The following NCOA2 variants were observed in gnomAD, a reference collection of about 807,000 sequenced individuals.
The protein encoded by NCOA2 is class E basic helix-loop-helix protein 75.
A neutral mutation model predicts 145.1 loss-of-function variants in NCOA2; 21 were observed. The observed-to-expected ratio is 0.14, with a 90% confidence interval of 0.10 to 0.21. The LOEUF (loss-of-function observed/expected upper bound fraction) is 0.21. Ranked by LOEUF, NCOA2 falls within the 10% of genes least tolerant of loss-of-function variation. The pLI is 1.00. For synonymous variants in NCOA2, 619 were observed against 637.5 expected (o/e 0.97, Z 0.44); for missense variants, 1,472 against 1,837.6 (o/e 0.80, Z 3.64).
intron 4 of NCOA2, among the ~76,000 whole-genome samples, chr8:70,181,914 G>T (rs1342471098): frequency 6.6e-6 from 1 of 152,210 alleles, no homozygotes; most frequent in Non-Finnish European, 1.5e-5. Context: ...GGCAGTTTCT[G>T]ACCAAGCACT....
At position 70,110,026 on chromosome 8, in the gene NCOA2, A is replaced by G. The variant is rs1048166300; in HGVS notation, c.*3606T>C. The G allele has an allele frequency of 8.7e-5, 17 of 194,546 alleles. 1 individual carries two copies. Among genetic ancestry groups the G allele is most frequent in the African/African-American group, 3.7e-4 (16 of 43,256 alleles). 12.1% of individuals were successfully genotyped at this position (194,546 alleles called of 1,614,324 possible). ...GTCAACTCCATTTTGAAAATAAATC[A>G]CAACCTGAAACACTGTAAGCTTTCT... On this transcript the variant is annotated 3_prime_UTR_variant, in exon 23 of 23. Coordinates refer to ENST00000452400, the MANE Select transcript of NCOA2 (RefSeq NM_006540.4).
intron 2 of NCOA2, among the ~76,000 whole-genome samples, chr8:70,265,587 T>A (rs985811010): frequency 6.6e-6 from 1 of 152,194 alleles, no homozygotes; most frequent in Admixed American, 6.5e-5. Context: ...TATATATAAT[T>A]CTATTTTTTA....
At chr8:70,439,118 A>G in the NCOA2 span, among the ~76,000 whole-genome samples, 3 of 152,224 alleles carry the variant, frequency 2.0e-5, no homozygotes, top group African/African-American at 7.2e-5. Flanking sequence ...GACTAATTCA[A>G]TATAAAATAC....
chr8:70,304,589 C>T (rs1299945379), intron 1 of NCOA2, among the ~76,000 whole-genome samples: 1 of 152,092 alleles, frequency 6.6e-6, no homozygotes, highest in Non-Finnish European at 1.5e-5. Context: ...CTTCAGCCTC[C>T]TGAGTGGCTA....
chr8:70,170,341 G>A lies in NCOA2; in HGVS notation c.402C>T (p.Gly134=). The change falls in exon 6 of 23, where the codon GGC becomes GGT. Residue 134 remains glycine, a synonymous_variant. Transcript: ENST00000452400. ...CATTCTCTGACACAAACACAACGTT[G>A]CCTTCCAGGTTCACTACAAAGAAGA... ...DGFFFVVNLE[G]NVVFVSENVT... is the part of the protein sequence containing the mutation. 3 of 1,602,444 alleles carry A rather than the reference G, an allele frequency of 1.9e-6. No homozygotes were observed. Among genetic ancestry groups the A allele is most frequent in the Non-Finnish European group, 2.6e-6 (3 of 1,174,176 alleles).
chr8:70,352,323 T>C (rs902169232), intron 1 of NCOA2, among the ~76,000 whole-genome samples: 3 of 152,168 alleles, frequency 2.0e-5, no homozygotes, highest in African/African-American at 4.8e-5. Context: ...CAGAAGTTTA[T>C]ATGGGTCAAG....
chr8:70,291,548 T>C (rs1038252383), intron 2 of NCOA2, among the ~76,000 whole-genome samples: 1 of 152,162 alleles, frequency 6.6e-6, no homozygotes, highest in Admixed American at 6.5e-5. Flanking sequence ...TCTAAATACA[T>C]GATTTCCAAC....
At chr8:70,378,756 A>AAC (rs1339471698) in intron 1 of NCOA2, among the ~76,000 whole-genome samples, 1 of 151,906 alleles carries the variant, frequency 6.6e-6, no homozygotes, top group East Asian at 1.9e-4. Flanking sequence ...AAAAAAAAAA[A>AAC]AAAAAAACAT....
At chr8:70,184,780 T>G (rs1815867424) in intron 4 of NCOA2, among the ~76,000 whole-genome samples, 1 of 152,168 alleles carries the variant, frequency 6.6e-6, no homozygotes, top group African/African-American at 2.4e-5. Context: ...CCAACCCTCA[T>G]TTCTATGAAG....
Position 70,357,325 on chromosome 8 carries a change from T to C in NCOA2, c.-77+46375A>G, listed in dbSNP as rs1257289970. 3.3e-5 allele frequency: 5 copies of C among 152,244 alleles called. No individual in the cohort carries two copies. The East Asian group carries it at 9.6e-4, about 29-fold the overall frequency. The allele number at this position is 152,244 out of a possible 1,614,324, so 9.4% of individuals were successfully genotyped here. On this transcript the variant is annotated intron_variant, in intron 1 of 22. Coordinates refer to ENST00000452400, the MANE Select transcript of NCOA2 (RefSeq NM_006540.4). ...GGCAAAAAAAAATTTTTTTTTTTTT[T>C]ACACTGAAAACTACAAAACACGGCT...
rs546565301 is a variant in NCOA2, at chr8:70,138,066, C to T, written c.3158+137G>A. The T allele has an allele frequency of 1.3e-5, 11 of 859,312 alleles. No homozygotes were observed. In the African/African-American group the frequency reaches 1.9e-4, roughly 15 times the overall value. 53.2% of individuals were successfully genotyped at this position (859,312 alleles called of 1,614,324 possible). A position where few individuals can be genotyped will look rare whatever the true frequency, so the allele number is the denominator to read the frequency against. ...GTCATACTGATTTCTGGATTCACCC[C>T]TCCTCTTCATGCACTGCACAGTAGA... On this transcript the variant is annotated intron_variant, in intron 15 of 22. Coordinates refer to ENST00000452400, the MANE Select transcript of NCOA2 (RefSeq NM_006540.4).
At chr8:70,250,827 T>C (rs1424299996) in intron 2 of NCOA2, among the ~76,000 whole-genome samples, 1 of 152,216 alleles carries the variant, frequency 6.6e-6, no homozygotes, top group East Asian at 1.9e-4. Flanking sequence ...TCATTTGTAA[T>C]ATTAATTTGT....
the NCOA2 span, among the ~76,000 whole-genome samples, chr8:70,430,724 T>C: frequency 6.6e-6 from 1 of 152,132 alleles, no homozygotes; most frequent in African/African-American, 2.4e-5. Context: ...GAAGGTAAAG[T>C]AATAGTGTTG....
chr8:70,124,545 G>C, intron 20 of NCOA2, 143 bp downstream of exon 20: 1 of 736,164 alleles, frequency 1.4e-6, no homozygotes, highest in African/African-American at 1.8e-5. Context: ...AAATTGCTGT[G>C]GAAGGCGGTG....
chr8:70,233,760 T>C (rs1199565581), intron 2 of NCOA2, among the ~76,000 whole-genome samples: 1 of 152,208 alleles, frequency 6.6e-6, no homozygotes, highest in Non-Finnish European at 1.5e-5. Context: ...TCTTTTTCAA[T>C]CTCTTTTATG....
At chr8:70,422,613 G>A in the NCOA2 span, among the ~76,000 whole-genome samples, 7 of 152,066 alleles carry the variant, frequency 4.6e-5, no homozygotes, top group East Asian at 1.4e-3. Flanking sequence ...GTCTTACTAT[G>A]TTGCCTAGGA....
the NCOA2 span, among the ~76,000 whole-genome samples, chr8:70,430,233 C>T: frequency 6.6e-6 from 1 of 152,060 alleles, no homozygotes; most frequent in East Asian, 1.9e-4. Context: ...ATTAGTCTTG[C>T]CTTAAGTAAG....
chr8:70,180,348 C>G (rs923925936), intron 4 of NCOA2, among the ~76,000 whole-genome samples: 1 of 152,148 alleles, frequency 6.6e-6, no homozygotes, highest in Non-Finnish European at 1.5e-5. Flanking sequence ...GCTGCTTGAA[C>G]AGCAATCCCT....
chr8:70,379,707 G>T (rs1185967876), intron 1 of NCOA2, among the ~76,000 whole-genome samples: 1 of 152,014 alleles, frequency 6.6e-6, no homozygotes, highest in African/African-American at 2.4e-5. Flanking sequence ...AAGATAAGTA[G>T]CTATAGAAGA....
Sources: gnomAD v4.1 joint callset for allele counts (sites outside exome capture counted in the v4.1 genomes callset) on GRCh38, gnomAD v4.1.1 for gene constraint, MANE v1.5 for transcripts, NCBI Gene and HGNC (gene_info 2026-07-23, HGNC 2026-07-21) for gene names.